Variants in TECTA observed in about 807,000 individuals in gnomAD.
TECTA encodes the protein tectorin alpha, also known as alpha-tectorin.
Under a neutral mutation model 216.8 loss-of-function variants are expected in TECTA, and 128 were observed. That is an observed-to-expected ratio of 0.59 (90% CI 0.51 to 0.68). TECTA has a LOEUF of 0.68. TECTA is among the 30% of genes least tolerant of loss of function. The pLI is 0.00. For missense variants in TECTA, 2,551 were observed against 2,786.2 expected (o/e 0.92, Z 1.90); for synonymous variants, 1,089 against 1,117.1 (o/e 0.97, Z 0.50).
intron 20 of TECTA, among the ~76,000 whole-genome samples, chr11:121,184,888 G>C (rs554186322): frequency 6.6e-6 from 1 of 152,326 alleles, no homozygotes; most frequent in African/African-American, 2.4e-5. Flanking sequence ...AGGCCTAGAT[G>C]AGTGGGTGAG....
rs1946909144 is a variant in TECTA at position 121,153,139 on chromosome 11, C to CT, written c.4305+60dup. On this transcript the variant is annotated intron_variant, in intron 13 of 23. Coordinates refer to ENST00000392793, the MANE Select transcript of TECTA (RefSeq NM_005422.4). Reference sequence around the variant, plus strand: ...CCAATGATCAGATTCCTCTCCAACTCTAAGAGGTTGGTCAGATTGACCAAT... The same window carrying CT: ...CCAATGATCAGATTCCTCTCCAACTCTTAAGAGGTTGGTCAGATTGACCAAT... 3.2e-6 allele frequency: 5 copies of CT among 1,562,266 alleles called. No homozygotes were observed. In the Admixed American group the frequency reaches 7.4e-5, roughly 23 times the overall value.
chr11:121,105,635 C>T lies in TECTA; in HGVS notation c.65-196C>T, dbSNP rs1266649634. On this transcript the variant is annotated intron_variant, in intron 2 of 23. Transcript: ENST00000392793. This position sits in a 1 kb window ranked among gnomAD's most constrained non-coding sequence, Gnocchi z 5.3. ...TCTCCTATGGAGAAACAATGTCACT[C>T]CCATTTTCCCGTTTCCCAGAGCAGA... 1.3e-5 allele frequency among the ~76,000 whole-genome samples: 2 copies of T among 152,204 alleles called. No individual in the cohort carries two copies. The highest frequency in any genetic ancestry group is 4.8e-5 in the African/African-American group (2 of 41,458).
chr11:121,125,110 C>A (rs539213534), intron 7 of TECTA, among the ~76,000 whole-genome samples, 192 bp from the exon 8 acceptor site: 3 of 152,360 alleles, frequency 2.0e-5, no homozygotes, highest in South Asian at 4.1e-4. Flanking sequence ...CGTGGGCTGG[C>A]CCACAAGCAG....
chr11:121,180,336 C>G (rs1387436801), intron 20 of TECTA, among the ~76,000 whole-genome samples: 1 of 152,070 alleles, frequency 6.6e-6, no homozygotes, highest in Non-Finnish European at 1.5e-5. Context: ...TCAGTTTTTG[C>G]TTGTCTGGGA....
chr11:121,120,995 T>A (rs1946552678), intron 7 of TECTA, among the ~76,000 whole-genome samples: 1 of 152,194 alleles, frequency 6.6e-6, no homozygotes, highest in Admixed American at 6.5e-5. Context: ...GTAGCTGGCC[T>A]TGGCGGCCTC....
At chr11:121,117,367 A>G (rs1591439442) in intron 6 of TECTA, among the ~76,000 whole-genome samples, 3 of 152,224 alleles carry the variant, frequency 2.0e-5, no homozygotes, top group Admixed American at 2.0e-4. Context: ...CTTGACCCCA[A>G]TCCCCCAGCA....
chr11:121,129,814 G>A lies in TECTA; in HGVS notation c.2544G>A (p.Leu848=), dbSNP rs144582229. Residue 848 remains leucine (L), a synonymous_variant, in exon 10 of 24, where the codon TTG becomes TTA. Transcript: ENST00000392793. ...CATACTTCAATTGCACAGGGGGCTT[G>A]TGCGGCTTCTACAATGCCAACGCCA... ...STTYFNCTGG[L]CGFYNANASD... 54 of 1,614,104 alleles carry A rather than the reference G, an allele frequency of 3.3e-5. No homozygotes were observed. The African/African-American group carries it at 6.0e-4, about 18-fold the overall frequency.
intron 20 of TECTA, among the ~76,000 whole-genome samples, chr11:121,172,657 A>T (rs967863272): frequency 1.5e-4 from 22 of 150,964 alleles, no homozygotes; most frequent in African/African-American, 2.4e-4. Context: ...ATACATGTGC[A>T]TGTGTCTTTA....
rs1208700898 is a variant in TECTA, at chr11:121,113,861, T to C, written c.790+143T>C. The C allele has an allele frequency of 9.8e-7, 1 of 1,016,610 alleles. No homozygotes were observed. The highest frequency in any genetic ancestry group is 2.6e-5 in the East Asian group (1 of 38,576). 63.0% of individuals were successfully genotyped at this position (1,016,610 alleles called of 1,614,324 possible). A position where few individuals can be genotyped will look rare whatever the true frequency, so the allele number is the denominator to read the frequency against. On this transcript the variant is annotated intron_variant, in intron 6 of 23. Transcript: ENST00000392793. This position sits in a 1 kb window ranked among gnomAD's most constrained non-coding sequence, Gnocchi z 4.2. ...CGCTGGGTAATGGAGATCAAGGTAA[T>C]TTTAGCATGTGCATTCATCACATCA...
At chr11:121,110,971 T>C (rs1257907452) in intron 4 of TECTA, among the ~76,000 whole-genome samples, 1 of 152,152 alleles carries the variant, frequency 6.6e-6, no homozygotes, top group Non-Finnish European at 1.5e-5. Context: ...ATCTTTGAAA[T>C]TGGCCCCACC....
At chr11:121,134,288 T>C (rs1027036710) in intron 10 of TECTA, among the ~76,000 whole-genome samples, 1 of 149,046 alleles carries the variant, frequency 6.7e-6, no homozygotes, top group African/African-American at 2.5e-5. Flanking sequence ...TTGCTTTGCC[T>C]CTAGGTCCTT....
chr11:121,159,350 AAG>A (rs1946975654), intron 14 of TECTA, among the ~76,000 whole-genome samples: 1 of 152,352 alleles, frequency 6.6e-6, no homozygotes, highest in African/African-American at 2.4e-5. Context: ...ATGACCACCC[AAG>A]AGAGCAAAAC....
chr11:121,153,644 G>A (rs1946914902), intron 13 of TECTA, among the ~76,000 whole-genome samples: 1 of 152,186 alleles, frequency 6.6e-6, no homozygotes, highest in Non-Finnish European at 1.5e-5. Context: ...GACTGCTAAT[G>A]TGGTGCCCCC....
chr11:121,148,290 A>G (rs4641485), intron 12 of TECTA, among the ~76,000 whole-genome samples: 41,588 of 152,104 alleles, frequency 0.27, 7,217 homozygotes, highest in African/African-American at 0.49. Flanking sequence ...CCCATCACAA[A>G]GAGACTTAGA....
intron 16 of TECTA, among the ~76,000 whole-genome samples, chr11:121,162,788 C>A (rs1412065316): frequency 6.6e-6 from 1 of 152,210 alleles, no homozygotes; most frequent in East Asian, 1.9e-4. Context: ...AGAGCGGGAA[C>A]TGAGCTGGTT....
intron 20 of TECTA, among the ~76,000 whole-genome samples, chr11:121,175,121 G>C (rs962707344): frequency 6.6e-6 from 1 of 151,732 alleles, no homozygotes; most frequent in Non-Finnish European, 1.5e-5. Flanking sequence ...TATCAATTTT[G>C]TTGATCCTTT....
At chr11:121,188,779 C>T (rs1002547353) in intron 21 of TECTA, among the ~76,000 whole-genome samples, 8 of 152,236 alleles carry the variant, frequency 5.3e-5, no homozygotes, top group African/African-American at 1.9e-4. Context: ...ACACAGCAAT[C>T]CTATTCCTGG....
At chr11:121,119,061 A>G (rs577162884) in intron 7 of TECTA, among the ~76,000 whole-genome samples, 1 of 151,980 alleles carries the variant, frequency 6.6e-6, no homozygotes, top group East Asian at 1.9e-4. Flanking sequence ...CTGGAAAGAG[A>G]TAAGTTTCTC....
chr11:121,183,364 G>T (rs1412827851), intron 20 of TECTA, among the ~76,000 whole-genome samples: 1 of 152,162 alleles, frequency 6.6e-6, no homozygotes, highest in African/African-American at 2.4e-5. Context: ...GAACAATACT[G>T]TTATGTGGAG....
Sources: allele counts gnomAD v4.1 joint callset (sites outside exome capture counted in the v4.1 genomes callset), GRCh38; gene constraint gnomAD v4.1.1; non-coding constraint Gnocchi (gnomAD v3.1); transcripts MANE v1.5; gene names NCBI Gene and HGNC (gene_info 2026-07-23, HGNC 2026-07-21).